IL1RAPL2: variants seen among roughly 807,000 people sequenced by gnomAD.
IL1RAPL2 encodes the protein X-linked interleukin-1 receptor accessory protein-like 2.
In IL1RAPL2, 3 loss-of-function variants were observed where a neutral mutation model predicts 44.1. The observed-to-expected ratio is 0.07, with a 90% CI of 0.03 to 0.18. The LOEUF is 0.18. Among genes scored for constraint, IL1RAPL2 ranks in the 10% least tolerant of loss-of-function variants. The probability of loss-of-function intolerance (pLI) is 1.00; values close to 1 mark genes in which losing one functional copy is unlikely to be tolerated. For missense variants in IL1RAPL2, 391 were observed against 496.4 expected (o/e 0.79, Z 2.02); for synonymous variants, 181 against 178.8 (o/e 1.01, Z -0.10).
At chrX:105,661,688 C>T (rs1027546081) in intron 6 of IL1RAPL2, among the ~76,000 whole-genome samples, 3 of 111,891 alleles carry the variant, frequency 2.7e-5, no homozygotes, top group Non-Finnish European at 5.6e-5. Flanking sequence ...CTGTCTAATA[C>T]TTATCAGTTT....
intron 3 of IL1RAPL2, among the ~76,000 whole-genome samples, chrX:105,222,336 G>A (rs1556183136): frequency 8.9e-6 from 1 of 112,396 alleles, no homozygotes; most frequent in Non-Finnish European, 1.9e-5. Context: ...GATAATTAGA[G>A]AGGAAAAAGA....
intron 2 of IL1RAPL2, among the ~76,000 whole-genome samples, chrX:104,677,618 G>T (rs1239022300): frequency 2.7e-5 from 3 of 112,656 alleles, no homozygotes; most frequent in East Asian, 5.6e-4. Context: ...GCTGTGGTGG[G>T]CTCTGCCCAG....
chrX:104,837,194 T>C (rs1921765545), intron 2 of IL1RAPL2, among the ~76,000 whole-genome samples: 1 of 111,771 alleles, frequency 8.9e-6, no homozygotes, highest in African/African-American at 3.3e-5. Context: ...AACACATGTG[T>C]ACATGTGACT....
intron 2 of IL1RAPL2, among the ~76,000 whole-genome samples, chrX:104,837,261 G>A (rs1316555659): frequency 9.0e-6 from 1 of 111,384 alleles, no homozygotes; most frequent in Non-Finnish European, 1.9e-5. Flanking sequence ...GGATTTCTGG[G>A]TTGAGTGGTA....
chrX:104,595,753 G>C (rs1268504206), intron 1 of IL1RAPL2, among the ~76,000 whole-genome samples: 1 of 111,459 alleles, frequency 9.0e-6, no homozygotes, highest in Admixed American at 9.6e-5. Context: ...TTGTGCAAAT[G>C]GTTTATTTTC....
At chrX:104,638,630 G>A (rs902661427) in intron 1 of IL1RAPL2, among the ~76,000 whole-genome samples, 1 of 111,706 alleles carries the variant, frequency 9.0e-6, no homozygotes, top group Non-Finnish European at 1.9e-5. Context: ...TCATTCAGGA[G>A]CATGTGGTTT....
At position 105,664,270 on chromosome X, in the gene IL1RAPL2, A is replaced by G. The variant is rs191997609; in HGVS notation, c.773-53097A>G. 4.1e-4 allele frequency among the ~76,000 whole-genome samples: 46 copies of G among 111,996 alleles called. 1 individual carries two copies. In the East Asian group the frequency reaches 0.012, roughly 29 times the overall value. On this transcript the variant is annotated intron_variant, in intron 6 of 10. Transcript: ENST00000372582. Reference sequence around the variant, plus strand: ...TTTTTAATGCAAATGAAAGTGCCATATTCTGGGGAAAAGTGCCACAAAGAA... The same window carrying G: ...TTTTTAATGCAAATGAAAGTGCCATGTTCTGGGGAAAAGTGCCACAAAGAA...
In IL1RAPL2 at chrX:105,767,507, G is replaced by A; in HGVS notation, c.1907G>A (p.Gly636Asp). 1 of 1,211,099 alleles carries A rather than the reference G, an allele frequency of 8.3e-7. No homozygotes were observed. Residue 636 changes from glycine to aspartate, a missense_variant, in exon 11 of 11, where the codon GGC (glycine) becomes GAC (aspartate). By Grantham distance (94) the Gly-to-Asp change is moderately conservative. Coordinates refer to ENST00000372582, the MANE Select transcript of IL1RAPL2 (RefSeq NM_017416.2). ...PATTLPVPSL[G>D]NHHTYCNLPL... ...ACGACCTTGCCAGTACCTTCCTTAG[G>A]CAACCACCATACTTATTGTAACCTG... is the stretch of plus-strand genomic sequence containing the variant.
At chrX:104,849,356 A>G (rs1267374017) in intron 2 of IL1RAPL2, among the ~76,000 whole-genome samples, 6 of 81,610 alleles carry the variant, frequency 7.4e-5, no homozygotes, top group African/African-American at 2.6e-4. Context: ...GAACTATATA[A>G]TATATATATA....
intron 6 of IL1RAPL2, among the ~76,000 whole-genome samples, chrX:105,500,035 A>C (rs775586641): frequency 8.9e-6 from 1 of 112,072 alleles, no homozygotes; most frequent in African/African-American, 3.2e-5. Context: ...CGACAACATG[A>C]ATGAACCTTG....
intron 6 of IL1RAPL2, among the ~76,000 whole-genome samples, chrX:105,699,342 C>G (rs12854705): frequency 9.0e-6 from 1 of 111,237 alleles, no homozygotes; most frequent in Non-Finnish European, 1.9e-5. Flanking sequence ...CTCATTCAGT[C>G]TTTCAGCAAA....
chrX:104,903,346 G>A (rs999287120), intron 2 of IL1RAPL2, among the ~76,000 whole-genome samples: 2 of 111,422 alleles, frequency 1.8e-5, no homozygotes, highest in African/African-American at 6.5e-5. Flanking sequence ...TTTCACAGAT[G>A]AGAAATTATT....
chrX:104,925,074 T>C (rs1243637840), intron 2 of IL1RAPL2, among the ~76,000 whole-genome samples: 1 of 109,447 alleles, frequency 9.1e-6, no homozygotes, highest in Non-Finnish European at 1.9e-5. Flanking sequence ...TGAATATCTC[T>C]ATGTGCACAA....
rs1307634356 is a variant in IL1RAPL2, at chrX:105,748,945, T to C, written c.1049-15T>C. ...TGATTTAATTACCTTTTCCTGTTTA[T>C]TCTGTTCGCTCCAGATTTAATCTAT... On this transcript the variant is annotated splice_polypyrimidine_tract_variant and intron_variant, in intron 8 of 10. Transcript: ENST00000372582. 2 of 1,205,706 alleles carry C rather than the reference T, an allele frequency of 1.7e-6. No individual in the cohort carries two copies. The highest frequency in any genetic ancestry group is 4.4e-5 in the Admixed American group (2 of 45,794).
intron 9 of IL1RAPL2, among the ~76,000 whole-genome samples, chrX:105,752,536 C>T (rs754793908): frequency 3.9e-4 from 44 of 112,257 alleles, no homozygotes; most frequent in Non-Finnish European, 6.2e-4. Context: ...TGCTCTATTT[C>T]CTGGTTCCTC....
intron 2 of IL1RAPL2, among the ~76,000 whole-genome samples, chrX:104,676,571 A>T (rs1321234109): frequency 9.0e-6 from 1 of 111,181 alleles, no homozygotes; most frequent in Non-Finnish European, 1.9e-5. Flanking sequence ...TCTGACAATT[A>T]TGTGTCTTGG....
chrX:105,511,006 G>C (rs944369742), intron 6 of IL1RAPL2, among the ~76,000 whole-genome samples: 19 of 111,589 alleles, frequency 1.7e-4, no homozygotes, highest in Non-Finnish European at 3.2e-4. Flanking sequence ...ACACCATATA[G>C]AGAGTCCATT....
intron 2 of IL1RAPL2, among the ~76,000 whole-genome samples, chrX:105,074,155 T>C (rs2032252838): frequency 8.9e-6 from 1 of 111,919 alleles, no homozygotes; most frequent in South Asian, 3.7e-4. Context: ...GGTTTTCTTC[T>C]AGGGTTTTTA....
chrX:104,613,806 G>GTTTTTT (rs60588678), intron 1 of IL1RAPL2, among the ~76,000 whole-genome samples: 1 of 61,866 alleles, frequency 1.6e-5, no homozygotes, highest in African/African-American at 6.4e-5. Context: ...TCCAGGGCAT[G>GTTTTTT]TTTTTTTTTT....
Sources: gnomAD v4.1 joint callset for allele counts (sites outside exome capture counted in the v4.1 genomes callset) on GRCh38, gnomAD v4.1.1 for gene constraint, MANE v1.5 for transcripts, NCBI Gene and HGNC (gene_info 2026-07-23, HGNC 2026-07-21) for gene names.